Variants in TMEM163 observed in about 807,000 individuals in gnomAD.
TMEM163 encodes the protein transmembrane protein 163.
TMEM163 carries 17 observed loss-of-function variants against 29.3 expected under a neutral mutation model. That is an observed-to-expected ratio of 0.58 (90% CI 0.40 to 0.87). TMEM163 has a LOEUF of 0.87. TMEM163 is among the 40% of genes least tolerant of loss of function. TMEM163 has a pLI of 0.00. For missense variants in TMEM163, 303 were observed against 381.5 expected (o/e 0.79, Z 1.71); for synonymous variants, 157 against 160.6 (o/e 0.98, Z 0.17).
At chr2:134,610,942 C>T (rs920647941) in intron 2 of TMEM163, among the ~76,000 whole-genome samples, 6 of 151,992 alleles carry the variant, frequency 3.9e-5, no homozygotes, top group Non-Finnish European at 8.8e-5. Context: ...ATTCTCACTC[C>T]CAAACTGTCT....
chr2:134,546,386 T>G (rs533092564), intron 4 of TMEM163, among the ~76,000 whole-genome samples: 18 of 152,328 alleles, frequency 1.2e-4, no homozygotes, highest in African/African-American at 4.1e-4. Context: ...CTCACACCTG[T>G]AATACCAGCA....
chr2:134,550,860 A>G (rs59357769), intron 3 of TMEM163, among the ~76,000 whole-genome samples, 199 bp from the exon 4 acceptor site: 64,200 of 152,140 alleles, frequency 0.42, 18,108 homozygotes, highest in African/African-American at 0.77. Context: ...TGTGCCATGT[A>G]GGGGGCTCTG....
chr2:134,635,059 G>C (rs540053154), intron 2 of TMEM163, among the ~76,000 whole-genome samples: 4 of 152,356 alleles, frequency 2.6e-5, no homozygotes, highest in African/African-American at 9.6e-5. Context: ...GATGGAGAAG[G>C]GGACAGGAGG....
At chr2:134,513,612 A>G (rs1282843132) in intron 4 of TMEM163, among the ~76,000 whole-genome samples, 1 of 152,136 alleles carries the variant, frequency 6.6e-6, no homozygotes. Context: ...AGATGATTAG[A>G]TCTGCATTTT....
intron 4 of TMEM163, among the ~76,000 whole-genome samples, chr2:134,541,438 A>G (rs1680664964): frequency 6.6e-6 from 1 of 152,244 alleles, no homozygotes; most frequent in Non-Finnish European, 1.5e-5. Context: ...AAAATTATGT[A>G]AGCATTTTCT....
At chr2:134,545,127 T>A (rs1426130802) in intron 4 of TMEM163, among the ~76,000 whole-genome samples, 1 of 152,184 alleles carries the variant, frequency 6.6e-6, no homozygotes, top group African/African-American at 2.4e-5. Flanking sequence ...CTCTCTTCAC[T>A]TAATGCAGCT....
chr2:134,479,300 G>A (rs775476218), intron 5 of TMEM163, among the ~76,000 whole-genome samples: 1 of 152,132 alleles, frequency 6.6e-6, no homozygotes, highest in Non-Finnish European at 1.5e-5. Flanking sequence ...AGACTGTGTG[G>A]GACAAAAGCC....
intron 2 of TMEM163, among the ~76,000 whole-genome samples, chr2:134,553,965 T>C (rs1264734777): frequency 6.6e-6 from 1 of 152,234 alleles, no homozygotes; most frequent in Non-Finnish European, 1.5e-5. Context: ...TAACTAAGCG[T>C]AACAAAATTT....
intron 4 of TMEM163, among the ~76,000 whole-genome samples, chr2:134,511,023 G>A (rs535527894): frequency 9.2e-5 from 14 of 152,200 alleles, no homozygotes; most frequent in Non-Finnish European, 2.1e-4. Context: ...TGTGTTCCAG[G>A]GCAAGGATTT....
At chr2:134,674,496 C>CGT (rs1460443169) in intron 2 of TMEM163, among the ~76,000 whole-genome samples, 31 of 147,898 alleles carry the variant, frequency 2.1e-4, no homozygotes, top group African/African-American at 7.0e-4. Flanking sequence ...GGCGCGCGCG[C>CGT]GCGCGCGCGC....
chr2:134,604,006 T>G (rs921340125), intron 2 of TMEM163, among the ~76,000 whole-genome samples: 4 of 152,090 alleles, frequency 2.6e-5, no homozygotes, highest in African/African-American at 9.7e-5. Context: ...GTACCCTCTC[T>G]CCATCCCCAC....
chr2:134,678,373 C>T (rs1022849298), intron 2 of TMEM163, among the ~76,000 whole-genome samples: 1 of 152,216 alleles, frequency 6.6e-6, no homozygotes, highest in African/African-American at 2.4e-5. Flanking sequence ...CGTGGAAACA[C>T]GTGAATCTGT....
At chr2:134,575,675 C>T (rs1435989847) in intron 2 of TMEM163, among the ~76,000 whole-genome samples, 6 of 152,114 alleles carry the variant, frequency 3.9e-5, no homozygotes, top group Admixed American at 3.9e-4. Flanking sequence ...GCTTTAGCTC[C>T]CTACCAAACC....
intron 4 of TMEM163, among the ~76,000 whole-genome samples, chr2:134,549,443 G>A (rs1020677238): frequency 2.6e-5 from 4 of 152,184 alleles, no homozygotes; most frequent in Non-Finnish European, 5.9e-5. Context: ...CACCTCCTGG[G>A]TTCAAGCAAT....
intron 2 of TMEM163, among the ~76,000 whole-genome samples, chr2:134,696,847 CT>C (rs1177381429): frequency 2.6e-5 from 4 of 152,202 alleles, no homozygotes; most frequent in Non-Finnish European, 5.9e-5. Context: ...ATGATCTCAG[CT>C]TACTGCAACC....
At chr2:134,626,094 CTTTTTTTTT>C (rs146008537) in intron 2 of TMEM163, among the ~76,000 whole-genome samples, 2 of 66,256 alleles carry the variant, frequency 3.0e-5, no homozygotes, top group Non-Finnish European at 5.8e-5. Flanking sequence ...ACTTTTCCAG[CTTTTTTTTT>C]TTTTTTTTTT....
intron 2 of TMEM163, among the ~76,000 whole-genome samples, chr2:134,612,572 C>CACACACAT (rs1682529964): frequency 3.3e-5 from 5 of 151,778 alleles, no homozygotes; most frequent in Admixed American, 2.6e-4. Flanking sequence ...CACACACACA[C>CACACACAT]ACACAGCTCC....
chr2:134,518,723 C>T (rs1680130773), intron 4 of TMEM163, among the ~76,000 whole-genome samples: 3 of 152,106 alleles, frequency 2.0e-5, no homozygotes, highest in Non-Finnish European at 4.4e-5. Flanking sequence ...ACAGAAGTGA[C>T]CACGATATCT....
At chr2:134,559,032 A>C (rs1055395364) in intron 2 of TMEM163, among the ~76,000 whole-genome samples, 3 of 152,036 alleles carry the variant, frequency 2.0e-5, no homozygotes, top group Non-Finnish European at 4.4e-5. Context: ...TCTTAGTTCC[A>C]CCTCCTCTGC....
Sources: gnomAD v4.1 joint callset for allele counts (sites outside exome capture counted in the v4.1 genomes callset) on GRCh38, gnomAD v4.1.1 for gene constraint, MANE v1.5 for transcripts, NCBI Gene and HGNC (gene_info 2026-07-23, HGNC 2026-07-21) for gene names.